Variants in CPT1B observed in about 807,000 individuals in gnomAD.
CPT1B encodes the protein carnitine O-palmitoyltransferase 1, muscle isoform.
A neutral mutation model predicts 92.7 loss-of-function variants in CPT1B; 57 were observed. That is an observed-to-expected ratio of 0.62 (90% confidence interval 0.50 to 0.77). The LOEUF (loss-of-function observed/expected upper bound fraction) is 0.77. Ranked by LOEUF, CPT1B falls within the 30% of genes least tolerant of loss-of-function variation. The pLI, the probability that CPT1B is intolerant of heterozygous loss-of-function variation, is 0.00. For synonymous variants in CPT1B, 398 were observed against 383.5 expected, an observed-to-expected ratio of 1.04 and a Z score of -0.44; for missense variants, 983 against 1,017.4, an observed-to-expected ratio of 0.97 and a Z score of 0.46.
chr22:50,570,756 G>A, intron 16 of CPT1B, 135 bp downstream of exon 16: 1 of 1,234,202 alleles, frequency 8.1e-7, no homozygotes, highest in Non-Finnish European at 1.1e-6. Flanking sequence ...GTGTGGGCGG[G>A]AAAGCTGGCC....
chr22:50,570,534 C>G, intron 16 of CPT1B, 128 bp from the exon 17 acceptor site: 1 of 720,102 alleles, frequency 1.4e-6, no homozygotes, highest in Non-Finnish European at 2.3e-6. Flanking sequence ...GGCCACCACC[C>G]CGTGGTCCCC....
intron 7 of CPT1B, 105 bp downstream of exon 7, chr22:50,575,930 C>G: frequency 9.5e-7 from 1 of 1,056,888 alleles, no homozygotes; most frequent in Non-Finnish European, 1.5e-6. Context: ...CCCCCACTTG[C>G]CCACGGAAGC....
At position 50,573,746 on chromosome 22, in the gene CPT1B, G is replaced by T; in HGVS notation, c.971-31C>A. ...ATACAGGCCACGGGCAAGCTGAGGCGGGGCCCCCAGCTACATCCTGGGAAG... is the reference window on the plus strand; with the variant it reads ...ATACAGGCCACGGGCAAGCTGAGGCTGGGCCCCCAGCTACATCCTGGGAAG... On this transcript the variant is annotated intron_variant, in intron 9 of 19. Transcript: ENST00000312108. The surrounding 1 kb of genome is among the most constrained non-coding windows in gnomAD (Gnocchi z 5.0). The T allele has an allele frequency of 6.3e-7, 1 of 1,594,794 alleles. No individual in the cohort carries two copies. Among genetic ancestry groups the T allele is most frequent in the East Asian group, 2.3e-5 (1 of 43,926 alleles).
intron 4 of CPT1B, 108 bp downstream of exon 4, chr22:50,576,749 C>T: frequency 3.9e-6 from 6 of 1,547,584 alleles, no homozygotes; most frequent in Middle Eastern, 1.7e-4. Flanking sequence ...ACAAACCACA[C>T]ACCAGGCACC....
At chr22:50,576,411 C>T (rs8137301) in intron 5 of CPT1B, 76 bp from the exon 6 acceptor site, 84,930 of 1,606,802 alleles carry the variant, frequency 0.053, 8,464 homozygotes, top group African/African-American at 0.44. Flanking sequence ...CCCACCTCTC[C>T]CTCCTCACCC....
chr22:50,572,360 G>T, intron 11 of CPT1B, 52 bp from the exon 12 acceptor site: 1 of 1,152,720 alleles, frequency 8.7e-7, no homozygotes, highest in Non-Finnish European at 1.3e-6. Flanking sequence ...GTCCAGAGGT[G>T]CCTGACCTGC....
intron 19 of CPT1B, 123 bp downstream of exon 19, chr22:50,569,213 C>A: frequency 1.1e-6 from 1 of 891,156 alleles, no homozygotes; most frequent in Non-Finnish European, 1.7e-6. Context: ...CAGCGAGGAC[C>A]TGCTGCCGGA....
Position 50,574,606 on chromosome 22 carries a change from G to A in CPT1B, c.778-6C>T. ...TTCTTGATGAGCACAAGGTCCTACA[G>A]AGGAACAGAGCCCGCGGGGTGGGGG... On this transcript the variant is annotated splice_polypyrimidine_tract_variant and splice_region_variant and intron_variant, in intron 7 of 19. Transcript: ENST00000312108. 1 of 1,613,562 alleles carries A rather than the reference G, an allele frequency of 6.2e-7. No individual in the cohort carries two copies. The highest frequency in any genetic ancestry group is 8.5e-7 in the Non-Finnish European group (1 of 1,179,580).
chr22:50,572,885 A>G lies in CPT1B; in HGVS notation c.1342T>C (p.Cys448Arg), dbSNP rs757683021. The G allele has an allele frequency of 5.0e-6, 8 of 1,604,998 alleles. No individual in the cohort carries two copies. Among genetic ancestry groups the G allele is most frequent in the Non-Finnish European group, 6.8e-6 (8 of 1,172,534 alleles). ...CTGGGGCTGCCGTACCTGTTGTAGC[A>G]GTTGCCATGTAGCAGGGCCTTGCCA... ...LYGKALLHGNCYNRWFDKSFT... is the reference protein window; with the variant it reads ...LYGKALLHGNRYNRWFDKSFT... The change falls in exon 11 of 20, where the codon TGC becomes CGC. Residue 448 changes from cysteine to arginine, a missense_variant. By Grantham distance (180) the Cys-to-Arg change is radical. Transcript: ENST00000312108.
chr22:50,571,151 CACTT>C lies in CPT1B; in HGVS notation c.1875+3_1875+6del. 6.2e-7 allele frequency: 1 copy of C among 1,614,034 alleles called. No individual in the cohort carries two copies. Among genetic ancestry groups the C allele is most frequent in the Non-Finnish European group, 8.5e-7 (1 of 1,179,960 alleles). The stretch of plus-strand genomic sequence containing the variant: ...CTGTGACCCCCACATGGGCAGAGGA[CACTT>C]ACTGTGTGGGACCCCTCCATCATGG... On this transcript the variant is annotated splice_donor_5th_base_variant and intron_variant, in intron 15 of 19. Coordinates refer to ENST00000312108, the MANE Select transcript of CPT1B (RefSeq NM_152246.3).
chr22:50,571,633 A>G (rs75013804), intron 13 of CPT1B, 94 bp from the exon 14 acceptor site: 22,913 of 1,401,092 alleles, frequency 0.016, 862 homozygotes, highest in East Asian at 0.14. Context: ...CTGGTGGAGA[A>G]AGGGCACAGC....
intron 1 of CPT1B, 91 bp from the exon 2 acceptor site, chr22:50,578,025 C>T: frequency 1.2e-6 from 1 of 859,626 alleles, no homozygotes; most frequent in Non-Finnish European, 1.5e-6. Context: ...CGCGACCCCT[C>T]GCGCCCCCCA....
chr22:50,569,455 A>G (rs758902680), intron 18 of CPT1B, 34 bp from the exon 19 acceptor site: 2 of 1,612,580 alleles, frequency 1.2e-6, no homozygotes, highest in East Asian at 2.2e-5. Flanking sequence ...GCACCTTCAG[A>G]TATGTACCCA....
chr22:50,577,524 A>C, intron 2 of CPT1B, 61 bp from the exon 3 acceptor site: 1 of 1,594,970 alleles, frequency 6.3e-7, no homozygotes. Flanking sequence ...CTGCCTGTGA[A>C]GTCTTGGGAA....
intron 11 of CPT1B, among the ~76,000 whole-genome samples, chr22:50,572,665 T>C (rs1218727036): frequency 1.3e-5 from 2 of 151,840 alleles, no homozygotes; most frequent in Non-Finnish European, 1.5e-5. Context: ...TCCTAACTAC[T>C]TTTATGAAGG....
At chr22:50,574,044 C>A in intron 9 of CPT1B, 1 of 682,964 alleles carries the variant, frequency 1.5e-6, no homozygotes, top group Non-Finnish European at 2.7e-6. Flanking sequence ...CGCCCCTCCC[C>A]TCCTCTGCCG....
chr22:50,576,454 CTT>C, intron 5 of CPT1B, 80 bp downstream of exon 5: 1 of 1,602,286 alleles, frequency 6.2e-7, no homozygotes, highest in East Asian at 2.2e-5. Context: ...TAAGGCCACT[CTT>C]TGCACAGAAC....
At position 50,573,793 on chromosome 22, in the gene CPT1B, G is replaced by T; in HGVS notation, c.971-78C>A. On this transcript the variant is annotated intron_variant, in intron 9 of 19. Coordinates refer to ENST00000312108, the MANE Select transcript of CPT1B (RefSeq NM_152246.3). This position sits in a 1 kb window ranked among gnomAD's most constrained non-coding sequence, Gnocchi z 5.0. ...GAAGGGCCCACCTCCCATGCACTAG[G>T]TGACCCCTGCAGACCCTGTTTTGCT... is the stretch of plus-strand genomic sequence containing the variant. 7.5e-7 allele frequency: 1 copy of T among 1,335,488 alleles called. No homozygotes were observed. The highest frequency in any genetic ancestry group is 1.1e-6 in the Non-Finnish European group (1 of 947,102). 82.7% of individuals were successfully genotyped at this position (1,335,488 alleles called of 1,614,324 possible).
chr22:50,570,495 C>T (rs1469054418), intron 16 of CPT1B, 89 bp from the exon 17 acceptor site: 11 of 1,082,786 alleles, frequency 1.0e-5, no homozygotes, highest in Admixed American at 5.0e-5. Context: ...GAGCCAGACA[C>T]GGTTCTGCTG....
Sources: allele counts gnomAD v4.1 joint callset (sites outside exome capture counted in the v4.1 genomes callset), GRCh38; gene constraint gnomAD v4.1.1; non-coding constraint Gnocchi (gnomAD v3.1); transcripts MANE v1.5; gene names NCBI Gene and HGNC (gene_info 2026-07-23, HGNC 2026-07-21).